CCDC85A: variants seen among roughly 807,000 people sequenced by gnomAD.
CCDC85A encodes coiled-coil domain containing 85A.
Under a neutral mutation model 50.2 loss-of-function variants are expected in CCDC85A, and 38 were observed. The ratio of observed to expected loss-of-function variants is 0.76; its 90% CI spans 0.58 to 0.99. CCDC85A has a LOEUF of 0.99. Among genes scored for constraint, CCDC85A ranks in the 50% least tolerant of loss-of-function variants. The pLI is 0.00. For synonymous variants in CCDC85A, 366 were observed against 301.4 expected (o/e 1.21, Z -2.22); for missense variants, 820 against 742.0 (o/e 1.11, Z -1.22).
intron 1 of CCDC85A, among the ~76,000 whole-genome samples, chr2:56,189,299 T>G (rs1380290516): frequency 1.4e-5 from 2 of 141,838 alleles, no homozygotes; most frequent in African/African-American, 5.3e-5. Flanking sequence ...TTTTTGGTGT[T>G]TTTTTTTTTT....
chr2:56,220,500 A>G (rs1466927336), intron 2 of CCDC85A, among the ~76,000 whole-genome samples: 2 of 152,090 alleles, frequency 1.3e-5, no homozygotes, highest in East Asian at 1.9e-4. Context: ...AAGAAAGACA[A>G]TTGTACTTTC....
At chr2:56,377,033 G>C (rs1224452164) in intron 5 of CCDC85A, among the ~76,000 whole-genome samples, 3 of 152,166 alleles carry the variant, frequency 2.0e-5, no homozygotes, top group Non-Finnish European at 4.4e-5. Context: ...AGAAGATTTT[G>C]CTCCCTCAGG....
intron 2 of CCDC85A, among the ~76,000 whole-genome samples, chr2:56,211,847 C>T (rs1295051948): frequency 6.6e-6 from 1 of 151,972 alleles, no homozygotes; most frequent in Non-Finnish European, 1.5e-5. Flanking sequence ...CCTTGATGTT[C>T]TCCTCATCTC....
At chr2:56,316,391 G>C (rs1672922632) in intron 2 of CCDC85A, among the ~76,000 whole-genome samples, 1 of 151,784 alleles carries the variant, frequency 6.6e-6, no homozygotes, top group Admixed American at 6.6e-5. Flanking sequence ...TTTTATACTG[G>C]GTCTGAGGAC....
intron 2 of CCDC85A, among the ~76,000 whole-genome samples, chr2:56,219,542 C>A (rs559659113): frequency 7.9e-5 from 12 of 151,842 alleles, no homozygotes; most frequent in African/African-American, 2.9e-4. Flanking sequence ...CCTTTGCGTT[C>A]CAACTATTCA....
intron 5 of CCDC85A, among the ~76,000 whole-genome samples, chr2:56,376,697 C>T (rs1016690569): frequency 2.0e-5 from 3 of 152,140 alleles, no homozygotes; most frequent in Non-Finnish European, 4.4e-5. Context: ...TGATAAAAAT[C>T]ATCTTACAAA....
chr2:56,317,846 A>T (rs925714548), intron 2 of CCDC85A, among the ~76,000 whole-genome samples: 2 of 152,068 alleles, frequency 1.3e-5, no homozygotes, highest in African/African-American at 4.8e-5. Flanking sequence ...CTCAAGTAGG[A>T]GCCTTTATGT....
intron 2 of CCDC85A, among the ~76,000 whole-genome samples, chr2:56,238,250 T>C (rs1193572774): frequency 6.6e-6 from 1 of 152,038 alleles, no homozygotes; most frequent in East Asian, 1.9e-4. Flanking sequence ...ACCCCGTCTC[T>C]ACTAAAAATA....
intron 2 of CCDC85A, among the ~76,000 whole-genome samples, chr2:56,237,219 C>T (rs984928280): frequency 1.3e-5 from 2 of 152,072 alleles, no homozygotes; most frequent in Non-Finnish European, 2.9e-5. Flanking sequence ...TTCACTTCCA[C>T]CAAAGTCAGA....
At chr2:56,383,293 T>C (rs928787283) in intron 5 of CCDC85A, among the ~76,000 whole-genome samples, 1 of 152,008 alleles carries the variant, frequency 6.6e-6, no homozygotes, top group African/African-American at 2.4e-5. Flanking sequence ...AAACTAGTTT[T>C]GTGTTCACGT....
chr2:56,336,253 C>G (rs1674068494), intron 2 of CCDC85A, among the ~76,000 whole-genome samples: 1 of 152,110 alleles, frequency 6.6e-6, no homozygotes, highest in South Asian at 2.1e-4. Context: ...CTCCCAGGTT[C>G]AAGCAATTCT....
At chr2:56,324,404 C>A (rs1026951625) in intron 2 of CCDC85A, among the ~76,000 whole-genome samples, 17 of 151,876 alleles carry the variant, frequency 1.1e-4, no homozygotes, top group South Asian at 1.0e-3. Context: ...TATGTACTCC[C>A]TGAGGAGACA....
intron 2 of CCDC85A, among the ~76,000 whole-genome samples, chr2:56,284,611 G>A (rs1339648366): frequency 1.3e-5 from 2 of 152,160 alleles, no homozygotes; most frequent in Non-Finnish European, 2.9e-5. Context: ...GACCTTAAGT[G>A]ATCCACCTGC....
chr2:56,254,893 C>T (rs146173982), intron 2 of CCDC85A, among the ~76,000 whole-genome samples: 1 of 152,228 alleles, frequency 6.6e-6, no homozygotes, highest in African/African-American at 2.4e-5. Context: ...TGAAAGCAGG[C>T]TAGGTTATAT....
intron 2 of CCDC85A, among the ~76,000 whole-genome samples, chr2:56,195,077 A>G (rs975247695): frequency 1.3e-5 from 2 of 152,232 alleles, no homozygotes; most frequent in Non-Finnish European, 2.9e-5. Flanking sequence ...AGAAGTAAAT[A>G]TGTGCACCAT....
chr2:56,266,134 G>A (rs1346271050), intron 2 of CCDC85A, among the ~76,000 whole-genome samples: 1 of 152,160 alleles, frequency 6.6e-6, no homozygotes, highest in South Asian at 2.1e-4. Context: ...AAAGGCTAGG[G>A]GAGTGAGAGT....
intron 2 of CCDC85A, among the ~76,000 whole-genome samples, chr2:56,285,438 T>G (rs1478832450): frequency 6.9e-6 from 1 of 144,216 alleles, no homozygotes; most frequent in Non-Finnish European, 1.5e-5. Flanking sequence ...ATCGATTAAT[T>G]ATATTAATAA....
intron 2 of CCDC85A, among the ~76,000 whole-genome samples, chr2:56,283,044 A>G (rs1404260039): frequency 6.6e-6 from 1 of 152,178 alleles, no homozygotes; most frequent in Non-Finnish European, 1.5e-5. Flanking sequence ...ATTCTAGTAG[A>G]TATTTAGTAA....
At chr2:56,212,031 C>G (rs1001518514) in intron 2 of CCDC85A, among the ~76,000 whole-genome samples, 1 of 152,028 alleles carries the variant, frequency 6.6e-6, no homozygotes, top group Non-Finnish European at 1.5e-5. Context: ...GGACTCAGCT[C>G]AGCTCATAGA....
Sources: allele counts gnomAD v4.1 joint callset (sites outside exome capture counted in the v4.1 genomes callset), GRCh38; gene constraint gnomAD v4.1.1; transcripts MANE v1.5; gene names NCBI Gene and HGNC (gene_info 2026-07-23, HGNC 2026-07-21).